ZNF599: variants seen among roughly 807,000 people sequenced by gnomAD.
ZNF599 encodes zinc finger protein 599.
In ZNF599, 10 loss-of-function variants were observed where a neutral mutation model predicts 11.7. The ratio of observed to expected loss-of-function variants is 0.86; its 90% CI spans 0.53 to 1.45. The LOEUF (loss-of-function observed/expected upper bound fraction) is 1.45, where lower values mean the gene tolerates loss of function less well. Among genes scored for constraint, ZNF599 ranks in the 40% most tolerant of loss-of-function variants. ZNF599 has a pLI of 0.00. For missense variants in ZNF599, 688 were observed against 713.6 expected, an observed-to-expected ratio of 0.96 and a Z score of 0.41; for synonymous variants, 232 against 253.2, an observed-to-expected ratio of 0.92 and a Z score of 0.79.
chr19:34,777,399 A>T (rs1343506017), upstream of ZNF599, among the ~76,000 whole-genome samples: 1 of 88,776 alleles, frequency 1.1e-5, no homozygotes, highest in Non-Finnish European at 2.0e-5. Context: ...TATATAATAT[A>T]TATTATATAT....
Position 34,759,339 on chromosome 19 carries a change from A to G in ZNF599, c.1462T>C (p.Phe488Leu), listed in dbSNP as rs765831624. Residue 488 changes from phenylalanine (F) to leucine (L), a missense_variant, in exon 4 of 4, where the codon TTT (phenylalanine) becomes CTT (leucine). Physicochemically the swap from Phe to Leu is conservative, Grantham distance 22 (BLOSUM62 0). Transcript: ENST00000329285. ...CGAGTGAAGGAAGAGCTATAGTAAA[A>G]GGCTTTTGCACATTCTTTGCACTCC... is the stretch of plus-strand genomic sequence containing the variant. ...PLECKECAKA[F>L]YYSSSFTRHM... 1 of 1,614,024 alleles carries G rather than the reference A, an allele frequency of 6.2e-7. No homozygotes were observed. Among genetic ancestry groups the G allele is most frequent in the Non-Finnish European group, 8.5e-7 (1 of 1,179,986 alleles).
At chr19:34,777,866 G>A (rs2069229105), upstream of ZNF599, among the ~76,000 whole-genome samples, 1 of 151,936 alleles carries the variant, frequency 6.6e-6, no homozygotes, top group African/African-American at 2.4e-5. Flanking sequence ...GTTTCAGTAT[G>A]CAAAGTGAAT....
Position 34,773,097 on chromosome 19 carries a change from C to T in ZNF599, c.-256G>A. 1 of 478,800 alleles carries T rather than the reference C, an allele frequency of 2.1e-6. No homozygotes were observed. The highest frequency in any genetic ancestry group is 3.7e-6 in the Non-Finnish European group (1 of 273,564). The allele number at this position is 478,800 out of a possible 1,614,324, so 29.7% of individuals were successfully genotyped here. On this transcript the variant is annotated 5_prime_UTR_variant, in exon 1 of 4. Transcript: ENST00000329285. ...ATAAAAGCGTGTAAGTGGGTCCTAT[C>T]CTCCTCACTGTCCGTCTCTACTCGG...
At chr19:34,783,150 G>A in the ZNF599 span, among the ~76,000 whole-genome samples, 1 of 152,158 alleles carries the variant, frequency 6.6e-6, no homozygotes, top group East Asian at 1.9e-4. Context: ...TTTTAATTAG[G>A]TGTAGTGAGA....
chr19:34,799,348 A>G, the ZNF599 span, among the ~76,000 whole-genome samples: 1 of 152,120 alleles, frequency 6.6e-6, no homozygotes, highest in Non-Finnish European at 1.5e-5. Flanking sequence ...TCACTTAGCA[A>G]TATGTGTGTA....
chr19:34,782,096 T>C, the ZNF599 span, among the ~76,000 whole-genome samples: 3 of 152,212 alleles, frequency 2.0e-5, no homozygotes, highest in Non-Finnish European at 4.4e-5. Context: ...GTCTTCCTAC[T>C]TCCCAAGGCC....
upstream of ZNF599, among the ~76,000 whole-genome samples, chr19:34,777,763 T>C (rs1446884510): frequency 6.6e-6 from 1 of 150,664 alleles, no homozygotes; most frequent in Non-Finnish European, 1.5e-5. Context: ...ATATGAGGTA[T>C]CAAAAAAAGT....
chr19:34,776,716 C>T (rs2069217886), upstream of ZNF599, among the ~76,000 whole-genome samples: 1 of 152,194 alleles, frequency 6.6e-6, no homozygotes, highest in Non-Finnish European at 1.5e-5. Context: ...CAAGGGCAAG[C>T]CAGTGGTAGA....
the ZNF599 span, among the ~76,000 whole-genome samples, chr19:34,800,889 G>T: frequency 6.6e-6 from 1 of 152,000 alleles, no homozygotes; most frequent in African/African-American, 2.4e-5. Context: ...GACACCATGC[G>T]CCTGGCTTCT....
rs200032167 is a variant in ZNF599 at position 34,759,567 on chromosome 19, G to T, written c.1234C>A (p.Arg412=). ...KAFTHRSTFI[R]HKRTHTGEKP... ...TCTCCGGTATGGGTCCTCTTATGTC[G>T]GATGAAAGTGGAGCGATGAGTAAAG... is the stretch of plus-strand genomic sequence containing the variant. The change falls in exon 4 of 4, where the codon CGA becomes AGA. Residue 412 remains arginine (R), a synonymous_variant. Transcript: ENST00000329285. 6 of 1,613,478 alleles carry T rather than the reference G, an allele frequency of 3.7e-6. No individual in the cohort carries two copies. The Admixed American group carries it at 1.0e-4, about 27-fold the overall frequency.
intron 3 of ZNF599, chr19:34,764,089 A>T (rs1266074373): frequency 2.0e-5 from 3 of 152,184 alleles, no homozygotes; most frequent in Non-Finnish European, 2.9e-5. Flanking sequence ...CTCAAAAAAA[A>T]CCCAAAAACC....
At chr19:34,772,438 T>C in intron 1 of ZNF599, 2 of 1,062,396 alleles carry the variant, frequency 1.9e-6, no homozygotes, top group Non-Finnish European at 2.3e-6. Context: ...AGAGTCCTTC[T>C]TCAAAGACGG....
the ZNF599 span, among the ~76,000 whole-genome samples, chr19:34,782,542 TG>T: frequency 3.9e-5 from 6 of 152,270 alleles, no homozygotes; most frequent in Middle Eastern, 3.4e-3. Flanking sequence ...TGCAAGGCCT[TG>T]GGGTGGCAGT....
chr19:34,765,903 G>A (rs749274279), intron 3 of ZNF599, among the ~76,000 whole-genome samples: 43 of 152,190 alleles, frequency 2.8e-4, no homozygotes, highest in Non-Finnish European at 3.4e-4. Context: ...TAATGCTGGA[G>A]CTGATGGAAA....
chr19:34,764,835 T>C (rs185103319), intron 3 of ZNF599: 2 of 152,178 alleles, frequency 1.3e-5, no homozygotes, highest in East Asian at 1.9e-4. Context: ...CTTGTACATA[T>C]ATAAAACTTT....
the ZNF599 span, among the ~76,000 whole-genome samples, chr19:34,792,831 C>T: frequency 2.1e-3 from 317 of 150,648 alleles, no homozygotes; most frequent in African/African-American, 7.2e-3. Flanking sequence ...CCACTGCACT[C>T]CAGCCTGGAT....
rs368143719 is a variant in ZNF599 at position 34,759,548 on chromosome 19, G to T, written c.1253C>A (p.Thr418Asn). Residue 418 changes from threonine to asparagine, a missense_variant, in exon 4 of 4, where the codon ACC (threonine) becomes AAC (asparagine). Thr to Asn is a moderately conservative substitution (Grantham distance 65, BLOSUM62 0). Coordinates refer to ENST00000329285, the MANE Select transcript of ZNF599 (RefSeq NM_001007248.3). ...TTTGCACTCAAAGGGCTTCTCTCCG[G>T]TATGGGTCCTCTTATGTCGGATGAA... ...STFIRHKRTHTGEKPFECKEC... is the reference protein window; with the variant it reads ...STFIRHKRTHNGEKPFECKEC... 2.5e-6 allele frequency: 4 copies of T among 1,613,650 alleles called. No individual in the cohort carries two copies. Among genetic ancestry groups the T allele is most frequent in the Non-Finnish European group, 3.4e-6 (4 of 1,179,980 alleles).
the ZNF599 span, among the ~76,000 whole-genome samples, chr19:34,804,487 G>A: frequency 3.9e-5 from 6 of 152,180 alleles, no homozygotes; most frequent in African/African-American, 4.8e-5. Context: ...GAAAGCTGAA[G>A]ATCATGACCT....
chr19:34,795,429 C>A, the ZNF599 span, among the ~76,000 whole-genome samples: 4 of 152,090 alleles, frequency 2.6e-5, no homozygotes, highest in Non-Finnish European at 5.9e-5. Flanking sequence ...CGCACACTAC[C>A]CTGCCCAGCT....
Sources: allele counts gnomAD v4.1 joint callset (sites outside exome capture counted in the v4.1 genomes callset), GRCh38; gene constraint gnomAD v4.1.1; transcripts MANE v1.5; gene names NCBI Gene and HGNC (gene_info 2026-07-23, HGNC 2026-07-21).